Variants in PRKN observed in about 807,000 individuals in gnomAD.
PRKN encodes E3 ubiquitin-protein ligase parkin.
A neutral mutation model predicts 59.5 loss-of-function variants in PRKN; 56 were observed. The ratio of observed to expected loss-of-function variants is 0.94; its 90% CI spans 0.76 to 1.18. PRKN has a LOEUF of 1.18. Ranked by LOEUF, PRKN falls within the 50% of genes most tolerant of loss-of-function variation. The pLI is 0.00. For synonymous variants in PRKN, 250 were observed against 222.1 expected, an observed-to-expected ratio of 1.13 and a Z score of -1.12; for missense variants, 657 against 596.4, an observed-to-expected ratio of 1.10 and a Z score of -1.06.
chr6:161,888,983 C>A (rs1488346678), intron 6 of PRKN, among the ~76,000 whole-genome samples: 2 of 151,984 alleles, frequency 1.3e-5, no homozygotes, highest in Admixed American at 1.3e-4. Flanking sequence ...TTTGGGCAGA[C>A]AAAAATTTAC....
chr6:162,201,848 T>C (rs567762157), intron 3 of PRKN, among the ~76,000 whole-genome samples: 1 of 152,306 alleles, frequency 6.6e-6, no homozygotes, highest in South Asian at 2.1e-4. Context: ...ATTTCATTTA[T>C]GATCTCTCTA....
Position 161,348,498 on chromosome 6 carries a change from C to T in PRKN, c.*1601G>A, listed in dbSNP as rs779851186. 54 of 213,908 alleles carry T rather than the reference C, an allele frequency of 2.5e-4. No individual in the cohort carries two copies. The highest frequency in any genetic ancestry group is 4.2e-4 in the Non-Finnish European group (44 of 106,000). The allele number at this position is 213,908 out of a possible 1,614,324, so 13.3% of individuals were successfully genotyped here. On this transcript the variant is annotated 3_prime_UTR_variant, in exon 12 of 12. Transcript: ENST00000366898. The surrounding 1 kb of genome is among the most constrained non-coding windows in gnomAD (Gnocchi z 4.9). ...GCTGCTGCAGAGCCCAGTCTCTCCC[C>T]GGTGCAGGGCCTCTGAGACGACGGG...
intron 8 of PRKN, among the ~76,000 whole-genome samples, chr6:161,565,874 T>C (rs1419705557): frequency 2.6e-5 from 4 of 152,084 alleles, no homozygotes; most frequent in Admixed American, 2.6e-4. Context: ...TCAAATCCAA[T>C]GCTCATACGT....
chr6:161,866,062 T>C (rs1455851263), intron 6 of PRKN, among the ~76,000 whole-genome samples: 1 of 152,170 alleles, frequency 6.6e-6, no homozygotes, highest in African/African-American at 2.4e-5. Flanking sequence ...AATATTGTTG[T>C]ATCTCTGGGA....
At chr6:162,030,527 C>CA (rs1157576316) in intron 5 of PRKN, among the ~76,000 whole-genome samples, 1 of 152,174 alleles carries the variant, frequency 6.6e-6, no homozygotes, top group Non-Finnish European at 1.5e-5. Flanking sequence ...TACCCTTGTA[C>CA]AGTTACAAGC....
chr6:162,689,987 T>C (rs1224405974), intron 1 of PRKN, among the ~76,000 whole-genome samples: 2 of 152,182 alleles, frequency 1.3e-5, no homozygotes, highest in African/African-American at 4.8e-5. Flanking sequence ...ATATGAGGAC[T>C]CAGAATAGGA....
Position 162,127,879 on chromosome 6 carries a change from C to T in PRKN, c.534+73252G>A, listed in dbSNP as rs191536659. On this transcript the variant is annotated intron_variant, in intron 4 of 11. Transcript: ENST00000366898. ...AATGAAAATCCAGTAGGTATTCATC[C>T]CTTCACTTGCGGGACTCCAGCTATG... is the stretch of plus-strand genomic sequence containing the variant. 4.6e-5 allele frequency among the ~76,000 whole-genome samples: 7 copies of T among 152,218 alleles called. No homozygotes were observed. The East Asian group carries it at 9.7e-4, about 21-fold the overall frequency.
In PRKN at chr6:161,875,161, A is replaced by C. The variant is rs1250039646; in HGVS notation, c.735-89253T>G. ...TAATATATATAAAAATATACAATAC[A>C]TATATAATATAAAATATATGTGTGT... On this transcript the variant is annotated intron_variant, in intron 6 of 11. Transcript: ENST00000366898. Among the ~76,000 whole-genome samples, 4 of 137,052 alleles carry C rather than the reference A, an allele frequency of 2.9e-5. No individual in the cohort carries two copies. In the East Asian group the frequency reaches 8.3e-4, roughly 28 times the overall value. 89.9% of individuals were successfully genotyped at this position (137,052 alleles called of 152,430 possible).
chr6:161,842,558 CTCT>C (rs951166136), intron 6 of PRKN, among the ~76,000 whole-genome samples: 13 of 151,682 alleles, frequency 8.6e-5, no homozygotes, highest in Admixed American at 4.6e-4. Context: ...CCTCTTCCTT[CTCT>C]TTTTTTTCTT....
intron 3 of PRKN, among the ~76,000 whole-genome samples, chr6:162,252,299 T>C (rs996022136): frequency 6.6e-6 from 1 of 152,200 alleles, no homozygotes; most frequent in Non-Finnish European, 1.5e-5. Flanking sequence ...CCATGGATAT[T>C]TGTCAGGTGA....
chr6:162,471,979 T>C (rs2128178546), intron 1 of PRKN, among the ~76,000 whole-genome samples: 1 of 152,316 alleles, frequency 6.6e-6, no homozygotes, highest in South Asian at 2.1e-4. Flanking sequence ...GCTGGGCACC[T>C]GGTCCATAAG....
At chr6:161,367,980 C>T (rs996222432) in intron 10 of PRKN, among the ~76,000 whole-genome samples, 1 of 152,068 alleles carries the variant, frequency 6.6e-6, no homozygotes, top group African/African-American at 2.4e-5. Context: ...ATCGGAGCCC[C>T]GAGCTGCCTG....
At chr6:162,147,096 T>C (rs1174301780) in intron 4 of PRKN, among the ~76,000 whole-genome samples, 1 of 150,198 alleles carries the variant, frequency 6.7e-6, no homozygotes, top group Non-Finnish European at 1.5e-5. Context: ...ATCCCAGCAC[T>C]TTGGGAGGCT....
intron 5 of PRKN, among the ~76,000 whole-genome samples, chr6:162,053,152 G>A (rs1285518319): frequency 1.3e-5 from 2 of 152,166 alleles, no homozygotes; most frequent in East Asian, 1.9e-4. Flanking sequence ...TAGGCTGGTG[G>A]AGAGTGACTG....
chr6:162,062,636 G>C (rs1778146162), intron 4 of PRKN, among the ~76,000 whole-genome samples: 1 of 152,126 alleles, frequency 6.6e-6, no homozygotes, highest in Non-Finnish European at 1.5e-5. Context: ...TGCAAGCCAA[G>C]GACAGGGGCC....
chr6:162,336,668 T>C (rs1263913974), intron 2 of PRKN, among the ~76,000 whole-genome samples: 1 of 152,224 alleles, frequency 6.6e-6, no homozygotes, highest in Non-Finnish European at 1.5e-5. Flanking sequence ...TCAACACTTA[T>C]TCTCAACAAC....
chr6:161,634,853 G>A (rs377306671), intron 7 of PRKN, among the ~76,000 whole-genome samples: 1 of 152,342 alleles, frequency 6.6e-6, no homozygotes, highest in Non-Finnish European at 1.5e-5. Flanking sequence ...ACAATTGAGA[G>A]AAAGGAAGAG....
chr6:162,350,298 C>G (rs1047167881), intron 2 of PRKN, among the ~76,000 whole-genome samples: 1 of 152,108 alleles, frequency 6.6e-6, no homozygotes, highest in African/African-American at 2.4e-5. Flanking sequence ...AGATTCATTG[C>G]AATCCTAATC....
At chr6:162,115,404 G>A (rs895921891) in intron 4 of PRKN, among the ~76,000 whole-genome samples, 1 of 151,948 alleles carries the variant, frequency 6.6e-6, no homozygotes, top group Non-Finnish European at 1.5e-5. Context: ...TAGATGACGA[G>A]TTAGTGGGTG....
Sources: gnomAD v4.1 joint callset for allele counts (sites outside exome capture counted in the v4.1 genomes callset) on GRCh38, gnomAD v4.1.1 for gene constraint, Gnocchi (gnomAD v3.1) non-coding constraint, MANE v1.5 for transcripts, NCBI Gene and HGNC (gene_info 2026-07-23, HGNC 2026-07-21) for gene names.